The following TOM1L2 variants were observed in gnomAD, a reference collection of about 807,000 sequenced individuals.
The protein encoded by TOM1L2 is target of myb1 like 2 membrane trafficking protein.
In TOM1L2, 31 loss-of-function variants were observed where a neutral mutation model predicts 67.9. The observed-to-expected ratio is 0.46, with a 90% CI of 0.34 to 0.62. The LOEUF (loss-of-function observed/expected upper bound fraction) is 0.62. TOM1L2 is among the 20% of genes least tolerant of loss of function. The pLI is 0.01. For missense variants in TOM1L2, 606 were observed against 663.5 expected (o/e 0.91, Z 0.95); for synonymous variants, 256 against 254.0 (o/e 1.01, Z -0.07).
At chr17:17,895,801 C>T (rs1372811859) in intron 3 of TOM1L2, among the ~76,000 whole-genome samples, 1 of 152,190 alleles carries the variant, frequency 6.6e-6, no homozygotes, top group Non-Finnish European at 1.5e-5. Flanking sequence ...CCCTTTGGTC[C>T]TTGAAATAAC....
At chr17:17,925,172 C>T (rs2040033636) in intron 1 of TOM1L2, among the ~76,000 whole-genome samples, 1 of 152,090 alleles carries the variant, frequency 6.6e-6, no homozygotes, top group Admixed American at 6.6e-5. Context: ...AACCATGAGC[C>T]AAATAAACCT....
chr17:17,851,464 T>C (rs530761595), intron 12 of TOM1L2, among the ~76,000 whole-genome samples: 4 of 152,158 alleles, frequency 2.6e-5, no homozygotes, highest in African/African-American at 4.8e-5. Flanking sequence ...GGGGGTCTGT[T>C]TGCTCCGCTG....
chr17:17,852,919 G>GTCTTA (rs2036063724), intron 12 of TOM1L2, among the ~76,000 whole-genome samples: 1 of 150,092 alleles, frequency 6.7e-6, no homozygotes, highest in African/African-American at 2.5e-5. Flanking sequence ...GTATCAGGGA[G>GTCTTA]TCTTATCACC....
chr17:17,904,338 C>T (rs1975047879), intron 2 of TOM1L2, among the ~76,000 whole-genome samples: 1 of 152,208 alleles, frequency 6.6e-6, no homozygotes, highest in South Asian at 2.1e-4. Context: ...GGTTCCTGGG[C>T]TTCCTGCCCT....
intron 1 of TOM1L2, among the ~76,000 whole-genome samples, chr17:17,937,881 C>G (rs1245089755): frequency 1.3e-5 from 2 of 152,186 alleles, no homozygotes. Context: ...TTAAAGACAG[C>G]TCCCGCATTG....
intron 1 of TOM1L2, among the ~76,000 whole-genome samples, chr17:17,931,028 A>G (rs1483190752): frequency 1.3e-5 from 2 of 152,210 alleles, no homozygotes; most frequent in Non-Finnish European, 2.9e-5. Flanking sequence ...TATAAAATAT[A>G]AAATGTTCTT....
chr17:17,893,367 C>T (rs137981880), intron 4 of TOM1L2, among the ~76,000 whole-genome samples: 111 of 152,304 alleles, frequency 7.3e-4, no homozygotes, highest in African/African-American at 2.6e-3. Flanking sequence ...ATGGTTCTTC[C>T]TACTCCAAGT....
At chr17:17,848,701 C>T in intron 14 of TOM1L2, 122 bp downstream of exon 14, 8 of 1,113,012 alleles carry the variant, frequency 7.2e-6, no homozygotes, top group Non-Finnish European at 9.3e-6. Flanking sequence ...AAGCCCATGG[C>T]TCAGGGCCTG....
chr17:17,912,324 G>A (rs1190069313), intron 1 of TOM1L2, among the ~76,000 whole-genome samples: 296 of 150,700 alleles, frequency 2.0e-3, no homozygotes, highest in Non-Finnish European at 3.2e-3. Flanking sequence ...TGGCTGCCGG[G>A]CGGAGACGCT....
chr17:17,890,444 T>G (rs1322399991), intron 4 of TOM1L2, among the ~76,000 whole-genome samples: 1 of 152,158 alleles, frequency 6.6e-6, no homozygotes, highest in Non-Finnish European at 1.5e-5. Flanking sequence ...ATATATATGC[T>G]CAAGAAAAGT....
chr17:17,969,819 T>C (rs1466210619), intron 1 of TOM1L2, among the ~76,000 whole-genome samples: 2 of 152,024 alleles, frequency 1.3e-5, no homozygotes, highest in Non-Finnish European at 2.9e-5. Context: ...TTTTCATACA[T>C]TATCTCATTT....
At chr17:17,867,017 A>ACTGGCTGGTCTTGGTC in intron 8 of TOM1L2, 93 bp from the exon 9 acceptor site, 1 of 1,233,542 alleles carries the variant, frequency 8.1e-7, no homozygotes, top group Non-Finnish European at 1.2e-6. Context: ...AATCCCTGGG[A>ACTGGCTGGTCTTGGTC]CCAAGACCAG....
At chr17:17,892,561 T>G (rs116711019) in intron 4 of TOM1L2, among the ~76,000 whole-genome samples, 1 of 152,160 alleles carries the variant, frequency 6.6e-6, no homozygotes, top group African/African-American at 2.4e-5. Flanking sequence ...CTCCTCAGCA[T>G]GCATGGCCAC....
intron 1 of TOM1L2, among the ~76,000 whole-genome samples, chr17:17,952,376 CTTTTTTTTTTTTTTTT>C (rs60388742): frequency 3.8e-5 from 3 of 79,920 alleles, no homozygotes; most frequent in Non-Finnish European, 8.0e-5. Flanking sequence ...TCTTTATTTT[CTTTTTTTTTTTTTTTT>C]TTTTTTTTTT....
At chr17:17,850,974 G>T in intron 12 of TOM1L2, 22 bp from the exon 13 acceptor site, 2 of 1,613,260 alleles carry the variant, frequency 1.2e-6, no homozygotes, top group Non-Finnish European at 1.7e-6. Context: ...GCAAGCAGCG[G>T]GCCAGGCAGC....
intron 1 of TOM1L2, among the ~76,000 whole-genome samples, chr17:17,960,493 T>C (rs1044940004): frequency 2.0e-5 from 3 of 152,196 alleles, no homozygotes; most frequent in African/African-American, 7.2e-5. Context: ...CATGCTACCA[T>C]GCCCAGCTAA....
At chr17:17,931,959 T>C (rs950113474) in intron 1 of TOM1L2, among the ~76,000 whole-genome samples, 1 of 152,226 alleles carries the variant, frequency 6.6e-6, no homozygotes, top group Non-Finnish European at 1.5e-5. Flanking sequence ...GGGGAGCTGG[T>C]GTGTGTTTAA....
At chr17:17,947,083 T>C (rs2040982428) in intron 1 of TOM1L2, among the ~76,000 whole-genome samples, 2 of 152,030 alleles carry the variant, frequency 1.3e-5, no homozygotes. Context: ...TAACTAGTTA[T>C]ACCAGCCCTC....
intron 1 of TOM1L2, among the ~76,000 whole-genome samples, chr17:17,911,703 G>A (rs1336881932): frequency 2.0e-5 from 3 of 149,786 alleles, no homozygotes; most frequent in Non-Finnish European, 3.0e-5. Context: ...TTCTCACAGA[G>A]GGGGATTTGG....
Sources: gnomAD v4.1 joint callset for allele counts (sites outside exome capture counted in the v4.1 genomes callset) on GRCh38, gnomAD v4.1.1 for gene constraint, MANE v1.5 for transcripts, NCBI Gene and HGNC (gene_info 2026-07-23, HGNC 2026-07-21) for gene names.